EHMT1: variants seen among roughly 807,000 people sequenced by gnomAD.
EHMT1 encodes the protein euchromatic histone lysine methyltransferase 1.
A neutral mutation model predicts 147.2 loss-of-function variants in EHMT1; 15 were observed. The ratio of observed to expected loss-of-function variants is 0.10; its 90% CI spans 0.07 to 0.16. EHMT1 has a LOEUF of 0.16. Among genes scored for constraint, EHMT1 ranks in the 10% least tolerant of loss-of-function variants. The pLI, the probability that EHMT1 is intolerant of heterozygous loss-of-function variation, is 1.00. For synonymous variants in EHMT1, 795 were observed against 709.6 expected, an observed-to-expected ratio of 1.12 and a Z score of -1.91; for missense variants, 1,587 against 1,772.4, an observed-to-expected ratio of 0.90 and a Z score of 1.88.
At chr9:137,791,102 G>C in intron 16 of EHMT1, 132 bp downstream of exon 16, 1 of 1,461,130 alleles carries the variant, frequency 6.8e-7, no homozygotes, top group Non-Finnish European at 9.5e-7. Context: ...TCCAGAAATA[G>C]TTCCTTCATC....
intron 1 of EHMT1, among the ~76,000 whole-genome samples, chr9:137,640,384 C>G (rs554274161): frequency 6.6e-6 from 1 of 152,260 alleles, no homozygotes; most frequent in East Asian, 1.9e-4. Context: ...TCAAGCAGTC[C>G]TCCCACCTTG....
At chr9:137,817,969 CT>C in intron 24 of EHMT1, 90 bp from the exon 25 acceptor site, 1 of 1,255,324 alleles carries the variant, frequency 8.0e-7, no homozygotes, top group Admixed American at 1.7e-5. Flanking sequence ...GTGCCCTGCT[CT>C]TTCCCTGTGG....
At chr9:137,712,727 C>T (rs1588300579) in intron 2 of EHMT1, among the ~76,000 whole-genome samples, 1 of 152,114 alleles carries the variant, frequency 6.6e-6, no homozygotes, top group South Asian at 2.1e-4. Flanking sequence ...GCTTGTCTTT[C>T]CCCTTTCTTG....
chr9:137,665,475 C>G (rs1188746829), intron 1 of EHMT1, among the ~76,000 whole-genome samples: 1 of 152,172 alleles, frequency 6.6e-6, no homozygotes, highest in African/African-American at 2.4e-5. Flanking sequence ...GACAGGAGCT[C>G]CGGTGGGAGG....
intron 1 of EHMT1, among the ~76,000 whole-genome samples, chr9:137,681,533 C>G (rs1163242525): frequency 6.6e-6 from 1 of 152,076 alleles, no homozygotes; most frequent in East Asian, 1.9e-4. Context: ...TTTTTCTCTC[C>G]AGCAATTCAG....
chr9:137,740,297 C>T (rs1458937620), intron 4 of EHMT1, among the ~76,000 whole-genome samples: 1 of 152,168 alleles, frequency 6.6e-6, no homozygotes, highest in African/African-American at 2.4e-5. Flanking sequence ...AGAGTCTTTG[C>T]TCGGGGTCCT....
intron 18 of EHMT1, 72 bp downstream of exon 18, chr9:137,801,056 T>C (rs906049298): frequency 1.2e-5 from 17 of 1,422,636 alleles, no homozygotes; most frequent in Middle Eastern, 1.8e-4. Flanking sequence ...GAAGGTTCTT[T>C]TCTCAAAAGC....
chr9:137,819,948 C>G (rs1316303337), intron 25 of EHMT1: 1 of 152,100 alleles, frequency 6.6e-6, no homozygotes, highest in Non-Finnish European at 1.5e-5. Flanking sequence ...CATCATTGCT[C>G]TGGAATTCAT....
intron 1 of EHMT1, among the ~76,000 whole-genome samples, chr9:137,671,783 C>T (rs1351335641): frequency 2.0e-5 from 3 of 152,128 alleles, no homozygotes; most frequent in Non-Finnish European, 4.4e-5. Flanking sequence ...CAGCCTTGGC[C>T]TTCCAAAGTG....
intron 4 of EHMT1, among the ~76,000 whole-genome samples, chr9:137,736,141 G>A (rs2135923344): frequency 6.6e-6 from 1 of 152,252 alleles, no homozygotes; most frequent in East Asian, 1.9e-4. Context: ...TAACCAAAGA[G>A]AGCAAGGTGG....
At chr9:137,783,414 T>G (rs893740944) in intron 15 of EHMT1, among the ~76,000 whole-genome samples, 2 of 152,268 alleles carry the variant, frequency 1.3e-5, no homozygotes, top group Non-Finnish European at 2.9e-5. Flanking sequence ...CAGTAATTCC[T>G]TTCTGCTCTT....
intron 1 of EHMT1, among the ~76,000 whole-genome samples, chr9:137,662,133 C>T (rs1422200047): frequency 6.6e-6 from 1 of 152,188 alleles, no homozygotes. Context: ...AGTTACCCAA[C>T]AATATCTGCT....
At chr9:137,680,196 A>AGGTGC (rs1941805735) in intron 1 of EHMT1, among the ~76,000 whole-genome samples, 1 of 152,138 alleles carries the variant, frequency 6.6e-6, no homozygotes, top group African/African-American at 2.4e-5. Context: ...AGGTGGGACC[A>AGGTGC]GGTGCGGTGG....
intron 1 of EHMT1, among the ~76,000 whole-genome samples, chr9:137,685,807 C>G (rs893962880): frequency 6.6e-6 from 1 of 152,224 alleles, no homozygotes. Context: ...ACTTACATTT[C>G]TGCAATGCAT....
At chr9:137,744,305 CTTT>C (rs11370621) in intron 6 of EHMT1, among the ~76,000 whole-genome samples, 1 of 149,006 alleles carries the variant, frequency 6.7e-6, no homozygotes, top group African/African-American at 2.5e-5. Flanking sequence ...AAGTAAACCT[CTTT>C]TTTTTTTCTG....
intron 1 of EHMT1, among the ~76,000 whole-genome samples, chr9:137,620,630 C>G (rs1436026362): frequency 6.6e-6 from 1 of 152,108 alleles, no homozygotes; most frequent in Non-Finnish European, 1.5e-5. Flanking sequence ...TGGACTCCAG[C>G]GATCTGCCTG....
At chr9:137,821,670 T>C (rs1955433148) in intron 25 of EHMT1, among the ~76,000 whole-genome samples, 1 of 152,302 alleles carries the variant, frequency 6.6e-6, no homozygotes, top group African/African-American at 2.4e-5. Context: ...TTGGTCTTCA[T>C]GTAAGTTCTG....
intron 24 of EHMT1, chr9:137,817,765 C>T (rs1448327224): frequency 3.3e-5 from 21 of 634,034 alleles, no homozygotes; most frequent in Admixed American, 5.4e-5. Flanking sequence ...GTTAGGAAGG[C>T]GTGGTCCAGT....
chr9:137,628,708 T>C (rs1843424790), intron 1 of EHMT1, among the ~76,000 whole-genome samples: 1 of 152,226 alleles, frequency 6.6e-6, no homozygotes, highest in Non-Finnish European at 1.5e-5. Context: ...CGGAAGGTTC[T>C]GGAGTCATAG....
Sources: allele counts gnomAD v4.1 joint callset (sites outside exome capture counted in the v4.1 genomes callset), GRCh38; gene constraint gnomAD v4.1.1; transcripts MANE v1.5; gene names NCBI Gene and HGNC (gene_info 2026-07-23, HGNC 2026-07-21).